SCAI: variants seen among roughly 807,000 people sequenced by gnomAD.
The protein encoded by SCAI is protein SCAI.
SCAI carries 24 observed loss-of-function variants against 92.2 expected under a neutral mutation model. The ratio of observed to expected loss-of-function variants is 0.26; its 90% CI spans 0.19 to 0.37. The LOEUF (loss-of-function observed/expected upper bound fraction) is 0.37, where lower values mean the gene tolerates loss of function less well. SCAI is among the 10% of genes least tolerant of loss of function. SCAI has a pLI of 1.00. For synonymous variants in SCAI, 261 were observed against 258.6 expected, an observed-to-expected ratio of 1.01 and a Z score of -0.09; for missense variants, 450 against 736.2, an observed-to-expected ratio of 0.61 and a Z score of 4.50.
intron 2 of SCAI, among the ~76,000 whole-genome samples, chr9:125,073,933 C>G (rs929501154): frequency 6.6e-6 from 1 of 151,618 alleles, no homozygotes; most frequent in African/African-American, 2.4e-5. Flanking sequence ...TCCCTAAGCA[C>G]TCTCGTTCTC....
At chr9:125,059,987 T>C (rs1252060269) in intron 2 of SCAI, among the ~76,000 whole-genome samples, 2 of 152,214 alleles carry the variant, frequency 1.3e-5, no homozygotes, top group Admixed American at 1.3e-4. Context: ...AACTTTTCTG[T>C]AAAACTTTCC....
rs144759876 is a variant in SCAI, at chr9:124,958,844, T to A, written c.1675-5891A>T. Among the ~76,000 whole-genome samples the A allele has an allele frequency of 7.0e-3, 1,058 of 150,640 alleles. 10 individuals carry two copies. Among genetic ancestry groups the A allele is most frequent in the African/African-American group, 0.024 (1,003 of 41,028 alleles). ...ATTGCTTGAATCCGGGAGGCAGAGG[T>A]TGCAGTGAGCCAAGATTGTGCCACT... On this transcript the variant is annotated intron_variant, in intron 17 of 17. Transcript: ENST00000336505.
Position 125,143,506 on chromosome 9 carries a change from G to A in SCAI, c.-69C>T. The A allele has an allele frequency of 7.8e-7, 1 of 1,275,170 alleles. No homozygotes were observed. Among genetic ancestry groups the A allele is most frequent in the Non-Finnish European group, 1.0e-6 (1 of 1,000,480 alleles). 79.0% of individuals were successfully genotyped at this position (1,275,170 alleles called of 1,614,324 possible). ...GCTCGCTCGGGAAGCTGAGGCGGCG[G>A]AGGCTGGAGTAGGCGGAGAGGCGGG... is the stretch of plus-strand genomic sequence containing the variant. On this transcript the variant is annotated 5_prime_UTR_variant, in exon 1 of 18. Coordinates refer to ENST00000336505, the MANE Select transcript of SCAI (RefSeq NM_001144877.3).
At chr9:125,060,629 A>G (rs140909058) in intron 2 of SCAI, among the ~76,000 whole-genome samples, 29 of 152,296 alleles carry the variant, frequency 1.9e-4, no homozygotes, top group African/African-American at 6.0e-4. Context: ...TGTTATTCTC[A>G]TGATAGTGAG....
chr9:125,114,768 C>CT lies in SCAI; in HGVS notation c.98+27864dup, dbSNP rs10541713. 6.2e-3 allele frequency among the ~76,000 whole-genome samples: 505 copies of CT among 81,582 alleles called. 1 individual carries two copies. The highest frequency in any genetic ancestry group is 0.012 in the East Asian group (31 of 2,602). The allele number at this position is 81,582 out of a possible 152,430, so 53.5% of individuals were successfully genotyped here. Reference sequence around the variant, plus strand: ...TACAGGTGCGTGTCACCACACCCGGCTTTTTTTTTTTTTTTTTTTTTTTGA... The same window carrying CT: ...TACAGGTGCGTGTCACCACACCCGGCTTTTTTTTTTTTTTTTTTTTTTTTGA... On this transcript the variant is annotated intron_variant, in intron 2 of 17. Transcript: ENST00000336505.
Position 125,043,004 on chromosome 9 carries a change from T to C in SCAI, c.230+12872A>G, listed in dbSNP as rs2131113005. ...CCTCAGCTTCCTGAGTAGCTGGGAT[T>C]ATGGGCATTTGCCACCATGCCTGGC... On this transcript the variant is annotated intron_variant, in intron 3 of 17. Transcript: ENST00000336505. Among the ~76,000 whole-genome samples the C allele has an allele frequency of 1.3e-5, 2 of 151,798 alleles. 1 individual carries two copies. Among genetic ancestry groups the C allele is most frequent in the South Asian group, 4.2e-4 (2 of 4,818 alleles).
At chr9:125,001,836 A>T in intron 12 of SCAI, 129 bp downstream of exon 12, 1 of 598,674 alleles carries the variant, frequency 1.7e-6, no homozygotes, top group South Asian at 2.4e-5. Flanking sequence ...ATCAACAAAT[A>T]GACCAGGTTT....
chr9:125,005,280 G>T (rs920185280), intron 9 of SCAI, among the ~76,000 whole-genome samples: 1 of 152,150 alleles, frequency 6.6e-6, no homozygotes, highest in African/African-American at 2.4e-5. Flanking sequence ...GTTAAGATGA[G>T]AATAAGTTTA....
intron 11 of SCAI, among the ~76,000 whole-genome samples, chr9:125,002,336 G>T (rs1475118163): frequency 6.6e-6 from 1 of 152,076 alleles, no homozygotes; most frequent in African/African-American, 2.4e-5. Flanking sequence ...TGACTACATG[G>T]CTACAAGACA....
At chr9:125,005,930 A>AT (rs1171903697) in intron 9 of SCAI, among the ~76,000 whole-genome samples, 1 of 152,230 alleles carries the variant, frequency 6.6e-6, no homozygotes, top group Non-Finnish European at 1.5e-5. Context: ...ATTCACGGCC[A>AT]TATGCTGATT....
At chr9:124,984,868 C>G (rs955594546) in intron 14 of SCAI, among the ~76,000 whole-genome samples, 1 of 152,114 alleles carries the variant, frequency 6.6e-6, no homozygotes, top group African/African-American at 2.4e-5. Context: ...TGGAAAAGAA[C>G]AAGGACTGAA....
intron 17 of SCAI, among the ~76,000 whole-genome samples, chr9:124,964,358 T>G (rs144638463): frequency 3.8e-4 from 58 of 152,310 alleles, no homozygotes; most frequent in African/African-American, 1.2e-3. Flanking sequence ...TTTTGCCACA[T>G]CCACAATCTC....
At chr9:125,005,480 T>G (rs1832484794) in intron 9 of SCAI, among the ~76,000 whole-genome samples, 1 of 152,134 alleles carries the variant, frequency 6.6e-6, no homozygotes, top group Admixed American at 6.5e-5. Context: ...TACAGGCATG[T>G]GCCACCATGC....
At chr9:125,071,998 G>A (rs656322) in intron 2 of SCAI, among the ~76,000 whole-genome samples, 40,845 of 151,832 alleles carry the variant, frequency 0.27, 6,543 homozygotes, top group Middle Eastern at 0.38. Flanking sequence ...GAAAACTAAA[G>A]AGGGCAAGAG....
At chr9:125,058,406 T>C (rs897889428) in intron 2 of SCAI, among the ~76,000 whole-genome samples, 7 of 151,966 alleles carry the variant, frequency 4.6e-5, no homozygotes, top group Non-Finnish European at 8.8e-5. Flanking sequence ...CCCCAGCTAC[T>C]AGGAAGGCTG....
chr9:124,965,319 C>T (rs1375745348), intron 17 of SCAI, among the ~76,000 whole-genome samples: 2 of 152,108 alleles, frequency 1.3e-5, no homozygotes, highest in Non-Finnish European at 2.9e-5. Flanking sequence ...CTGCAACCTC[C>T]GCCTTCTGGT....
intron 2 of SCAI, among the ~76,000 whole-genome samples, chr9:125,059,596 T>C (rs1445161462): frequency 6.6e-6 from 1 of 152,198 alleles, no homozygotes; most frequent in Non-Finnish European, 1.5e-5. Flanking sequence ...GAAACCAGCA[T>C]AGTTGCTAGA....
At chr9:124,967,421 C>T (rs1050109820) in intron 17 of SCAI, among the ~76,000 whole-genome samples, 1 of 152,178 alleles carries the variant, frequency 6.6e-6, no homozygotes, top group African/African-American at 2.4e-5. Flanking sequence ...GGCACAACTA[C>T]TTTGTGGCTG....
intron 2 of SCAI, among the ~76,000 whole-genome samples, chr9:125,135,567 C>T (rs1240073992): frequency 6.6e-6 from 1 of 152,154 alleles, no homozygotes; most frequent in Non-Finnish European, 1.5e-5. Context: ...GCACAAGAAC[C>T]ACTTGAACCC....
Sources: allele counts gnomAD v4.1 joint callset (sites outside exome capture counted in the v4.1 genomes callset), GRCh38; gene constraint gnomAD v4.1.1; transcripts MANE v1.5; gene names NCBI Gene and HGNC (gene_info 2026-07-23, HGNC 2026-07-21).